The following CRPPA variants were observed in gnomAD, a reference collection of about 807,000 sequenced individuals.
CRPPA encodes the protein CDP-L-ribitol pyrophosphorylase A.
In CRPPA, 43 loss-of-function variants were observed where a neutral mutation model predicts 52.0. The ratio of observed to expected loss-of-function variants is 0.83; its 90% CI spans 0.65 to 1.07. CRPPA has a LOEUF of 1.07. CRPPA is among the 50% of genes least tolerant of loss of function. CRPPA has a pLI of 0.00. For synonymous variants in CRPPA, 250 were observed against 203.5 expected (o/e 1.23, Z -1.94); for missense variants, 629 against 551.7 (o/e 1.14, Z -1.40).
At chr7:16,178,994 C>A (rs1397938768) in intron 9 of CRPPA, among the ~76,000 whole-genome samples, 2 of 151,904 alleles carry the variant, frequency 1.3e-5, no homozygotes, top group African/African-American at 2.4e-5. Context: ...ACTGTGTATG[C>A]CTTTGGAGTG....
intron 9 of CRPPA, among the ~76,000 whole-genome samples, chr7:16,155,696 T>C (rs1435053639): frequency 6.6e-6 from 1 of 150,520 alleles, no homozygotes; most frequent in Non-Finnish European, 1.5e-5. Flanking sequence ...AATAGACTGT[T>C]TGTGTTATCG....
intron 4 of CRPPA, among the ~76,000 whole-genome samples, chr7:16,304,535 G>T (rs912264515): frequency 6.6e-6 from 1 of 152,104 alleles, no homozygotes; most frequent in Non-Finnish European, 1.5e-5. Flanking sequence ...TAGCTATTTG[G>T]GAGGCTAAGG....
At chr7:16,203,505 G>C (rs1387462927) in intron 9 of CRPPA, among the ~76,000 whole-genome samples, 1 of 152,028 alleles carries the variant, frequency 6.6e-6, no homozygotes, top group African/African-American at 2.4e-5. Flanking sequence ...TTTCCACTGA[G>C]TTTACAAAAC....
At chr7:16,091,921 T>A in intron 9 of CRPPA, 122 bp from the exon 10 acceptor site, 1 of 528,994 alleles carries the variant, frequency 1.9e-6, no homozygotes, top group Non-Finnish European at 3.2e-6. Flanking sequence ...AAACTCAGAC[T>A]CTAGCCACTG....
At chr7:16,176,798 C>T (rs868320931) in intron 9 of CRPPA, among the ~76,000 whole-genome samples, 2 of 151,970 alleles carry the variant, frequency 1.3e-5, no homozygotes, top group Non-Finnish European at 2.9e-5. Context: ...ACTGACCCTC[C>T]CAAGTGCTTA....
chr7:16,258,378 A>G lies in CRPPA; in HGVS notation c.1119+12T>C. The G allele has an allele frequency of 1.3e-6, 2 of 1,526,880 alleles. No individual in the cohort carries two copies. The highest frequency in any genetic ancestry group is 9.0e-7 in the Non-Finnish European group (1 of 1,113,166). The allele number at this position is 1,526,880 out of a possible 1,614,324, so 94.6% of individuals were successfully genotyped here. On this transcript the variant is annotated intron_variant, in intron 8 of 9. Coordinates refer to ENST00000407010, the MANE Select transcript of CRPPA (RefSeq NM_001101426.4). The stretch of plus-strand genomic sequence containing the variant: ...CATAAGTTTGAGAAAAATCTGCATT[A>G]ATTTCACTTACTGAAACAACAACAA...
intron 3 of CRPPA, among the ~76,000 whole-genome samples, chr7:16,318,670 C>A (rs74840721): frequency 6.6e-6 from 1 of 152,102 alleles, no homozygotes; most frequent in Non-Finnish European, 1.5e-5. Context: ...CAGCAACCAA[C>A]CAGACCATGC....
chr7:16,398,074 T>C (rs1409321674), intron 2 of CRPPA, among the ~76,000 whole-genome samples: 3 of 152,250 alleles, frequency 2.0e-5, no homozygotes, highest in African/African-American at 7.2e-5. Context: ...CAGGGCATGA[T>C]TGACACGTGA....
At chr7:16,195,925 C>T (rs1181107255) in intron 9 of CRPPA, among the ~76,000 whole-genome samples, 1 of 152,088 alleles carries the variant, frequency 6.6e-6, no homozygotes, top group Non-Finnish European at 1.5e-5. Context: ...CCCCCTTCCC[C>T]ACAGCATCCC....
intron 9 of CRPPA, among the ~76,000 whole-genome samples, chr7:16,191,776 C>T (rs1438880845): frequency 6.6e-6 from 1 of 152,108 alleles, no homozygotes; most frequent in Non-Finnish European, 1.5e-5. Context: ...TGAGGCAAAT[C>T]CACATCTGGG....
At chr7:16,136,935 T>A (rs956946985) in intron 9 of CRPPA, among the ~76,000 whole-genome samples, 21 of 152,234 alleles carry the variant, frequency 1.4e-4, no homozygotes, top group Admixed American at 1.2e-3. Flanking sequence ...TTAAACCCAT[T>A]AAGATAATTT....
chr7:16,207,987 G>A (rs1782013383), intron 9 of CRPPA, among the ~76,000 whole-genome samples: 2 of 151,930 alleles, frequency 1.3e-5, no homozygotes, highest in Admixed American at 1.3e-4. Context: ...CTATCCCCTG[G>A]AAATACCTTT....
intron 9 of CRPPA, among the ~76,000 whole-genome samples, chr7:16,094,487 T>C: frequency 6.6e-6 from 1 of 151,966 alleles, no homozygotes; most frequent in East Asian, 1.9e-4. Flanking sequence ...CCAGCAAACA[T>C]ACAAAAAAAA....
chr7:16,283,451 C>T (rs1178246381), intron 5 of CRPPA, among the ~76,000 whole-genome samples: 1 of 149,634 alleles, frequency 6.7e-6, no homozygotes, highest in Admixed American at 6.7e-5. Flanking sequence ...ATATATGACA[C>T]TATAAAGATG....
At chr7:16,111,004 T>C (rs1234237384) in intron 9 of CRPPA, among the ~76,000 whole-genome samples, 1 of 152,084 alleles carries the variant, frequency 6.6e-6, no homozygotes, top group Non-Finnish European at 1.5e-5. Flanking sequence ...GGAGAAAATC[T>C]GTGCATGCCA....
intron 2 of CRPPA, among the ~76,000 whole-genome samples, chr7:16,398,828 A>T (rs1562681729): frequency 6.6e-6 from 1 of 152,230 alleles, no homozygotes; most frequent in East Asian, 1.9e-4. Flanking sequence ...AATACGTTTG[A>T]CACGTGACTG....
chr7:16,304,832 TC>T (rs1423399635), intron 4 of CRPPA, among the ~76,000 whole-genome samples: 1 of 152,186 alleles, frequency 6.6e-6, no homozygotes, highest in Admixed American at 6.5e-5. Flanking sequence ...GTTCCATGTT[TC>T]AGGATCTTCC....
intron 9 of CRPPA, among the ~76,000 whole-genome samples, chr7:16,199,672 A>C (rs1033488145): frequency 1.6e-4 from 25 of 152,074 alleles, no homozygotes; most frequent in Non-Finnish European, 2.9e-4. Context: ...CTTAAAAAAA[A>C]AATTCAGTAA....
At chr7:16,240,343 T>C (rs1783070530) in intron 8 of CRPPA, among the ~76,000 whole-genome samples, 1 of 151,936 alleles carries the variant, frequency 6.6e-6, no homozygotes, top group African/African-American at 2.4e-5. Context: ...ATAGAATTTA[T>C]ACAAGTAATT....
Sources: gnomAD v4.1 joint callset for allele counts (sites outside exome capture counted in the v4.1 genomes callset) on GRCh38, gnomAD v4.1.1 for gene constraint, MANE v1.5 for transcripts, NCBI Gene and HGNC (gene_info 2026-07-23, HGNC 2026-07-21) for gene names.